FAM227B: variants seen among roughly 807,000 people sequenced by gnomAD.
FAM227B encodes the protein protein FAM227B.
FAM227B carries 88 observed loss-of-function variants against 73.8 expected under a neutral mutation model. The observed-to-expected ratio is 1.19, with a 90% CI of 1.00 to 1.42. FAM227B has a LOEUF of 1.42. Among genes scored for constraint, FAM227B ranks in the 40% most tolerant of loss-of-function variants. The probability of loss-of-function intolerance (pLI) is 0.00; values close to 1 mark genes in which losing one functional copy is unlikely to be tolerated. For missense variants in FAM227B, 632 were observed against 590.9 expected (o/e 1.07, Z -0.72); for synonymous variants, 210 against 190.5 (o/e 1.10, Z -0.84).
At chr15:49,418,446 G>C (rs1187196961) in intron 11 of FAM227B, among the ~76,000 whole-genome samples, 1 of 152,206 alleles carries the variant, frequency 6.6e-6, no homozygotes, top group Non-Finnish European at 1.5e-5. Context: ...TAAAGAAAAT[G>C]TGGTACATAT....
intron 11 of FAM227B, chr15:49,434,784 T>A (rs1260602082): frequency 6.6e-6 from 1 of 151,574 alleles, no homozygotes; most frequent in African/African-American, 2.4e-5. Flanking sequence ...ACATAGACTG[T>A]GAATTTGTTC....
At chr15:49,465,033 T>C (rs568934008) in intron 11 of FAM227B, among the ~76,000 whole-genome samples, 1 of 152,322 alleles carries the variant, frequency 6.6e-6, no homozygotes, top group South Asian at 2.1e-4. Context: ...GAAACTATAA[T>C]GGACTGTATT....
intron 3 of FAM227B, among the ~76,000 whole-genome samples, chr15:49,597,539 C>CT (rs1374359583): frequency 1.3e-5 from 2 of 151,944 alleles, no homozygotes; most frequent in Non-Finnish European, 2.9e-5. Context: ...AGAAGACAAT[C>CT]TAAGGTGACA....
chr15:49,510,920 A>G (rs1182911118), intron 10 of FAM227B, among the ~76,000 whole-genome samples: 1 of 151,714 alleles, frequency 6.6e-6, no homozygotes, highest in Non-Finnish European at 1.5e-5. Context: ...GTTAAGAGGG[A>G]TGATACAATT....
chr15:49,381,583 T>C (rs975624542), intron 11 of FAM227B, among the ~76,000 whole-genome samples: 22 of 152,218 alleles, frequency 1.4e-4, no homozygotes, highest in Non-Finnish European at 2.5e-4. Context: ...GTGATATTTA[T>C]AAGGTACTTT....
intron 11 of FAM227B, among the ~76,000 whole-genome samples, chr15:49,482,707 C>T (rs1011844340): frequency 1.3e-5 from 2 of 152,080 alleles, no homozygotes; most frequent in African/African-American, 4.8e-5. Context: ...TTTCTCTGTG[C>T]TTCAGTTTCC....
chr15:49,603,469 G>C (rs2077329552), intron 3 of FAM227B, among the ~76,000 whole-genome samples: 1 of 151,850 alleles, frequency 6.6e-6, no homozygotes, highest in African/African-American at 2.4e-5. Context: ...GCTGATTTTT[G>C]TATGTTGTTT....
chr15:49,441,091 A>C (rs1020971374), intron 11 of FAM227B, among the ~76,000 whole-genome samples: 1 of 151,794 alleles, frequency 6.6e-6, no homozygotes, highest in Non-Finnish European at 1.5e-5. Context: ...TGAGTAAATA[A>C]GATAATTTCC....
chr15:49,382,193 G>T (rs1340633182), intron 11 of FAM227B, among the ~76,000 whole-genome samples: 1 of 151,890 alleles, frequency 6.6e-6, no homozygotes, highest in Non-Finnish European at 1.5e-5. Flanking sequence ...AGGAAGTAGT[G>T]AAAAAAGTCA....
chr15:49,549,193 T>C (rs1284063489), intron 9 of FAM227B, among the ~76,000 whole-genome samples: 7 of 152,148 alleles, frequency 4.6e-5, no homozygotes, highest in Admixed American at 4.6e-4. Flanking sequence ...GATTTTGGCA[T>C]GTTGTGTTTC....
At chr15:49,364,596 A>C (rs1370420580) in intron 13 of FAM227B, among the ~76,000 whole-genome samples, 2 of 152,166 alleles carry the variant, frequency 1.3e-5, no homozygotes, top group African/African-American at 4.8e-5. Context: ...TTAAAAAAAC[A>C]TACTACAAAA....
At chr15:49,411,727 A>G (rs1455959043) in intron 11 of FAM227B, among the ~76,000 whole-genome samples, 1 of 152,116 alleles carries the variant, frequency 6.6e-6, no homozygotes, top group Non-Finnish European at 1.5e-5. Flanking sequence ...TATTCTTAGC[A>G]TAATTTGAAA....
chr15:49,508,182 A>T, intron 11 of FAM227B, 29 bp downstream of exon 11: 1 of 1,591,348 alleles, frequency 6.3e-7, no homozygotes, highest in Non-Finnish European at 8.5e-7. Flanking sequence ...TACCTATTCC[A>T]TTTGGCAGTA....
intron 11 of FAM227B, among the ~76,000 whole-genome samples, chr15:49,406,877 T>C (rs2048551317): frequency 6.6e-6 from 1 of 151,940 alleles, no homozygotes; most frequent in Non-Finnish European, 1.5e-5. Flanking sequence ...CCACTGGCGC[T>C]CTCCACCAGT....
intron 11 of FAM227B, among the ~76,000 whole-genome samples, chr15:49,406,096 G>A (rs1032162408): frequency 2.6e-5 from 4 of 152,088 alleles, no homozygotes; most frequent in Non-Finnish European, 4.4e-5. Flanking sequence ...CTCTGGCTCC[G>A]CAAGGTTAGA....
intron 11 of FAM227B, among the ~76,000 whole-genome samples, chr15:49,493,855 T>C (rs1278199379): frequency 7.6e-6 from 1 of 131,316 alleles, no homozygotes; most frequent in African/African-American, 2.7e-5. Context: ...TAAAGGGGTC[T>C]GTGTATGTAT....
chr15:49,444,324 A>G (rs2051972789), intron 11 of FAM227B, among the ~76,000 whole-genome samples: 1 of 151,760 alleles, frequency 6.6e-6, no homozygotes. Flanking sequence ...TCAGTAAAAC[A>G]TGCTACTATG....
intron 11 of FAM227B, among the ~76,000 whole-genome samples, chr15:49,389,237 A>G (rs911759153): frequency 2.0e-5 from 3 of 152,146 alleles, no homozygotes; most frequent in Middle Eastern, 3.4e-3. Context: ...TGTAGAACCA[A>G]CCTAAGTACC....
At chr15:49,569,723 CAA>C (rs1248505674) in intron 8 of FAM227B, among the ~76,000 whole-genome samples, 1 of 151,992 alleles carries the variant, frequency 6.6e-6, no homozygotes, top group East Asian at 1.9e-4. Flanking sequence ...CTATGGATCT[CAA>C]AAAGTTATTC....
Sources: gnomAD v4.1 joint callset for allele counts (sites outside exome capture counted in the v4.1 genomes callset) on GRCh38, gnomAD v4.1.1 for gene constraint, MANE v1.5 for transcripts, NCBI Gene and HGNC (gene_info 2026-07-23, HGNC 2026-07-21) for gene names.